Variants in CD5 observed in about 807,000 individuals in gnomAD.
CD5 encodes the protein CD5 molecule, also known as T-cell surface glycoprotein CD5.
Under a neutral mutation model 60.3 loss-of-function variants are expected in CD5, and 36 were observed. That is an observed-to-expected ratio of 0.60 (90% CI 0.46 to 0.79). The LOEUF is 0.79. CD5 is among the 30% of genes least tolerant of loss of function. The pLI is 0.00. For synonymous variants in CD5, 230 were observed against 257.6 expected (o/e 0.89, Z 1.03); for missense variants, 540 against 630.6 (o/e 0.86, Z 1.54).
At chr11:61,125,230 A>G (rs1164797895) in intron 9 of CD5, 79 bp downstream of exon 9, 11 of 1,528,032 alleles carry the variant, frequency 7.2e-6, no homozygotes, top group Non-Finnish European at 9.9e-6. Flanking sequence ...ATGCCCTTGA[A>G]GGTCGGGTGA....
intron 1 of CD5, among the ~76,000 whole-genome samples, chr11:61,110,315 TC>T (rs1200376926): frequency 6.6e-6 from 1 of 152,046 alleles, no homozygotes; most frequent in Non-Finnish European, 1.5e-5. Context: ...CTCACCGCCC[TC>T]CCTCCACCAG....
Position 61,102,599 on chromosome 11 carries a change from C to T in CD5, c.39C>T (p.Tyr13=), listed in dbSNP as rs763878530. 1.4e-5 allele frequency: 23 copies of T among 1,592,300 alleles called. No individual in the cohort carries two copies. The highest frequency in any genetic ancestry group is 1.5e-5 in the Non-Finnish European group (17 of 1,168,954). ...MGSLQPLATL[Y]LLGMLVASCL... is the part of the protein sequence containing the mutation. ...CTCTGCAACCGCTGGCCACCTTGTA[C>T]CTGCTGGGGATGCTGGGTGAGTACC... The change falls in exon 1 of 11, where the codon TAC becomes TAT. Residue 13 remains tyrosine, a synonymous_variant. Coordinates refer to ENST00000347785, the MANE Select transcript of CD5 (RefSeq NM_014207.4).
intron 5 of CD5, among the ~76,000 whole-genome samples, chr11:61,120,822 A>T (rs1489426811): frequency 1.3e-5 from 2 of 152,228 alleles, no homozygotes; most frequent in Non-Finnish European, 2.9e-5. Context: ...TCGCAGTCCC[A>T]CCGGCCCCTC....
intron 9 of CD5, among the ~76,000 whole-genome samples, chr11:61,125,385 A>G (rs901369965): frequency 6.6e-6 from 1 of 152,180 alleles, no homozygotes; most frequent in African/African-American, 2.4e-5. Context: ...AGAAGAATGC[A>G]CTCAGAAAGC....
rs1272334982 is a variant in CD5 at position 61,119,000 on chromosome 11, A to G, written c.463+23A>G. 7.0e-6 allele frequency: 11 copies of G among 1,579,740 alleles called. No homozygotes were observed. The highest frequency in any genetic ancestry group is 9.5e-6 in the Non-Finnish European group (11 of 1,156,546). ...CAGGTAAGAGGATTCTGAACCCCCC[A>G]CAGGGAGTCAGAGCTAGCAAATAAA... On this transcript the variant is annotated intron_variant, in intron 4 of 10. Transcript: ENST00000347785. This position sits in a 1 kb window ranked among gnomAD's most constrained non-coding sequence, Gnocchi z 4.7.
chr11:61,109,336 G>A (rs892311360), intron 1 of CD5, among the ~76,000 whole-genome samples: 1 of 152,174 alleles, frequency 6.6e-6, no homozygotes, highest in Non-Finnish European at 1.5e-5. Flanking sequence ...TTTGAAGCCA[G>A]GTCTCTCCAC....
At chr11:61,123,811 AT>A in intron 7 of CD5, 72 bp from the exon 8 acceptor site, 14 of 262,066 alleles carry the variant, frequency 5.3e-5, no homozygotes, top group Middle Eastern at 1.1e-3. Context: ...GCCCAGCCCC[AT>A]CCCCACCCCT....
At chr11:61,109,513 G>A (rs1160693407) in intron 1 of CD5, among the ~76,000 whole-genome samples, 4 of 144,810 alleles carry the variant, frequency 2.8e-5, no homozygotes, top group African/African-American at 7.8e-5. Context: ...AAAATTAAAA[G>A]AAACCTTTTT....
chr11:61,116,539 CCA>C (rs200986151), intron 2 of CD5, among the ~76,000 whole-genome samples: 29 of 106,954 alleles, frequency 2.7e-4, no homozygotes, highest in Admixed American at 7.2e-4. Context: ...ACACCCCACA[CCA>C]CACACACACA....
At position 61,127,420 on chromosome 11, in the gene CD5, C is replaced by A. The variant is rs990206573; in HGVS notation, c.*1135C>A. 2 of 152,214 alleles carry A rather than the reference C, an allele frequency of 1.3e-5. No individual in the cohort carries two copies. The highest frequency in any genetic ancestry group is 4.8e-5 in the African/African-American group (2 of 41,446). 9.4% of individuals were successfully genotyped at this position (152,214 alleles called of 1,614,324 possible). On this transcript the variant is annotated 3_prime_UTR_variant, in exon 11 of 11. Transcript: ENST00000347785. ...CATTTGATGCTGTATCTCCTGGGAG[C>A]ACAGGCATCAATGGTCCAAGCCGCA...
chr11:61,113,484 C>G (rs1860888467), intron 1 of CD5, among the ~76,000 whole-genome samples: 1 of 152,220 alleles, frequency 6.6e-6, no homozygotes, highest in South Asian at 2.1e-4. Flanking sequence ...GGCCTGTCGC[C>G]TTGGCTCCCT....
upstream of CD5, among the ~76,000 whole-genome samples, chr11:61,099,440 ACAT>A (rs1163304906): frequency 1.6e-5 from 2 of 127,880 alleles, no homozygotes; most frequent in African/African-American, 2.9e-5. Context: ...TCACACACAC[ACAT>A]CAACATGGAG....
At chr11:61,102,438 C>T (rs1323194526), upstream of CD5, 12 of 621,852 alleles carry the variant, frequency 1.9e-5, no homozygotes, top group Admixed American at 1.3e-4. Flanking sequence ...GCCTGCTCCC[C>T]GTCCCACCCC....
chr11:61,099,189 C>T (rs1860622466), upstream of CD5, among the ~76,000 whole-genome samples: 1 of 152,210 alleles, frequency 6.6e-6, no homozygotes, highest in African/African-American at 2.4e-5. Context: ...CATACATACC[C>T]CACATCAACA....
In CD5 at chr11:61,118,179, C is replaced by A; in HGVS notation, c.99C>A (p.Phe33Leu). ...CCACACCTTTCTGACCCCCAGATTTCCAGGCAAGGCTCACCCGTTCCAACT... is the reference window on the plus strand; with the variant it reads ...CCACACCTTTCTGACCCCCAGATTTACAGGCAAGGCTCACCCGTTCCAACT... ...LGRLSWYDPD[F>L]QARLTRSNSK... The change falls in exon 3 of 11, where the codon TTC becomes TTA. Residue 33 changes from phenylalanine to leucine, a missense_variant. Physicochemically the swap from Phe to Leu is conservative, Grantham distance 22. Coordinates refer to ENST00000347785, the MANE Select transcript of CD5 (RefSeq NM_014207.4). This position sits in a 1 kb window ranked among gnomAD's most constrained non-coding sequence, Gnocchi z 4.7. The A allele has an allele frequency of 6.2e-7, 1 of 1,611,930 alleles. No homozygotes were observed. The highest frequency in any genetic ancestry group is 8.5e-7 in the Non-Finnish European group (1 of 1,178,138).
chr11:61,113,515 T>G (rs1213407193), intron 1 of CD5, among the ~76,000 whole-genome samples: 1 of 152,200 alleles, frequency 6.6e-6, no homozygotes, highest in South Asian at 2.1e-4. Flanking sequence ...CTGGCTACAC[T>G]ACTGTGGGCA....
chr11:61,123,154 C>A, intron 7 of CD5, 122 bp downstream of exon 7: 1 of 1,154,534 alleles, frequency 8.7e-7, no homozygotes, highest in Non-Finnish European at 1.2e-6. Flanking sequence ...ACCTCTGCTT[C>A]ACCACCCAGC....
intron 1 of CD5, among the ~76,000 whole-genome samples, chr11:61,109,355 C>T (rs369851116): frequency 1.1e-4 from 16 of 152,298 alleles, no homozygotes; most frequent in African/African-American, 1.9e-4. Context: ...ACACACATGG[C>T]GACCGTAAGG....
chr11:61,127,844 G>A lies in CD5; in HGVS notation c.*1559G>A, dbSNP rs529734986. The A allele has an allele frequency of 6.6e-6, 1 of 152,362 alleles. No homozygotes were observed. The highest frequency in any genetic ancestry group is 2.1e-4 in the South Asian group (1 of 4,828). The allele number at this position is 152,362 out of a possible 1,614,324, so 9.4% of individuals were successfully genotyped here. A position where few individuals can be genotyped will look rare whatever the true frequency, so the allele number is the denominator to read the frequency against. On this transcript the variant is annotated 3_prime_UTR_variant, in exon 11 of 11. Transcript: ENST00000347785. Reference sequence around the variant, plus strand: ...CAAACCAAAAATAAAGAGTTTAGTTGAGGAGAAATGAGCCTTTAGAAAACT... The same window carrying A: ...CAAACCAAAAATAAAGAGTTTAGTTAAGGAGAAATGAGCCTTTAGAAAACT...
Sources: gnomAD v4.1 joint callset for allele counts (sites outside exome capture counted in the v4.1 genomes callset) on GRCh38, gnomAD v4.1.1 for gene constraint, Gnocchi (gnomAD v3.1) non-coding constraint, MANE v1.5 for transcripts, NCBI Gene and HGNC (gene_info 2026-07-23, HGNC 2026-07-21) for gene names.